Variants in HECTD4 observed in about 807,000 individuals in gnomAD.
HECTD4 encodes probable E3 ubiquitin-protein ligase HECTD4.
In HECTD4, 114 loss-of-function variants were observed where a neutral mutation model predicts 471.5. The ratio of observed to expected loss-of-function variants is 0.24; its 90% CI spans 0.21 to 0.28. The LOEUF is 0.28. HECTD4 is among the 10% of genes least tolerant of loss of function. HECTD4 has a pLI of 1.00. For missense variants in HECTD4, 3,866 were observed against 5,651.5 expected (o/e 0.68, Z 10.13); for synonymous variants, 2,012 against 2,256.0 (o/e 0.89, Z 3.07).
intron 1 of HECTD4, among the ~76,000 whole-genome samples, chr12:112,351,742 A>C (rs553462735): frequency 6.6e-6 from 1 of 152,370 alleles, no homozygotes; most frequent in East Asian, 1.9e-4. Context: ...TTTTTATGCT[A>C]CACTGACTGA....
At chr12:112,333,080 C>T (rs1036352088) in intron 1 of HECTD4, among the ~76,000 whole-genome samples, 2 of 152,160 alleles carry the variant, frequency 1.3e-5, no homozygotes, top group African/African-American at 4.8e-5. Context: ...TATAGCTAGA[C>T]CACATTTTAT....
intron 22 of HECTD4, 101 bp from the exon 23 acceptor site, chr12:112,252,629 G>A (rs1380201953): frequency 3.8e-6 from 5 of 1,308,274 alleles, no homozygotes; most frequent in Non-Finnish European, 5.3e-6. Flanking sequence ...AAGGACCACA[G>A]CAATATTTCA....
At chr12:112,266,353 T>C (rs545972237) in intron 14 of HECTD4, among the ~76,000 whole-genome samples, 38 of 152,374 alleles carry the variant, frequency 2.5e-4, no homozygotes, top group African/African-American at 9.1e-4. Flanking sequence ...ATTATTTTAT[T>C]TATTAAACAT....
chr12:112,167,367 G>C lies in HECTD4; in HGVS notation c.12484C>G (p.Leu4162Val). The C allele has an allele frequency of 6.2e-7, 1 of 1,613,818 alleles. No homozygotes were observed. Among genetic ancestry groups the C allele is most frequent in the Non-Finnish European group, 8.5e-7 (1 of 1,179,824 alleles). Reference protein sequence around the residue: ...VGEPLDPEQDLQEADILTYNY... With the variant: ...VGEPLDPEQDVQEADILTYNY... ...TAGGTGAGGATATCCGCTTCCTGCA[G>C]GTCTTGCTCAGGGTCCAAGGGCTCG... Residue 4162 changes from leucine to valine, a missense_variant, in exon 72 of 76, where the codon CTG becomes GTG. Around this residue, in one of 16 missense-constraint regions of HECTD4, gnomAD observed 715 missense variants for 1,087.6 expected, o/e 0.66. Transcript: ENST00000682272.
intron 40 of HECTD4, 55 bp from the exon 41 acceptor site, chr12:112,229,935 C>G: frequency 6.7e-7 from 1 of 1,498,570 alleles, no homozygotes; most frequent in South Asian, 1.2e-5. Flanking sequence ...TGTTTTGATG[C>G]CAAGGGTGAT....
At chr12:112,328,912 C>T (rs556870648) in intron 1 of HECTD4, among the ~76,000 whole-genome samples, 2 of 152,142 alleles carry the variant, frequency 1.3e-5, no homozygotes, top group African/African-American at 2.4e-5. Context: ...TTGGCTAAGC[C>T]CTGCAAAACT....
Position 112,239,355 on chromosome 12 carries a change from G to A in HECTD4, c.5106-119C>T. On this transcript the variant is annotated intron_variant, in intron 33 of 75. Transcript: ENST00000682272. This position sits in a 1 kb window ranked among gnomAD's most constrained non-coding sequence, Gnocchi z 4.9. ...GTGCAGCTCTTTCCCTACAACTTAGGATACTGCCATGTGCAATCAAACACA... is the reference window on the plus strand; with the variant it reads ...GTGCAGCTCTTTCCCTACAACTTAGAATACTGCCATGTGCAATCAAACACA... The A allele has an allele frequency of 3.9e-6, 3 of 765,034 alleles. No homozygotes were observed. Among genetic ancestry groups the A allele is most frequent in the Non-Finnish European group, 6.0e-6 (3 of 502,798 alleles). 47.4% of individuals were successfully genotyped at this position (765,034 alleles called of 1,614,324 possible). A position where few individuals can be genotyped will look rare whatever the true frequency, so the allele number is the denominator to read the frequency against.
chr12:112,181,619 C>T (rs1272247417), intron 62 of HECTD4, among the ~76,000 whole-genome samples: 3 of 152,172 alleles, frequency 2.0e-5, no homozygotes, highest in Admixed American at 2.0e-4. Flanking sequence ...TACGCCACCA[C>T]GCCCAGCTTA....
intron 1 of HECTD4, among the ~76,000 whole-genome samples, chr12:112,335,147 C>CACACACAG (rs1479838662): frequency 6.6e-6 from 1 of 151,698 alleles, no homozygotes; most frequent in Non-Finnish European, 1.5e-5. Context: ...CTGTGATACA[C>CACACACAG]ACACACACAC....
At position 112,314,441 on chromosome 12, in the gene HECTD4, C is replaced by T; in HGVS notation, c.785+16G>A. 7.1e-7 allele frequency: 1 copy of T among 1,399,122 alleles called. No individual in the cohort carries two copies. The highest frequency in any genetic ancestry group is 9.8e-7 in the Non-Finnish European group (1 of 1,022,950). 86.7% of individuals were successfully genotyped at this position (1,399,122 alleles called of 1,614,324 possible). On this transcript the variant is annotated intron_variant, in intron 3 of 75. Coordinates refer to ENST00000682272, the MANE Select transcript of HECTD4 (RefSeq NM_001388303.1). ...CTAGTTTGGAAGGAGGGTAAGGATA[C>T]AAAGTGACAACTTACCTATATAGCA...
At chr12:112,326,907 GA>G (rs2035757216) in intron 1 of HECTD4, among the ~76,000 whole-genome samples, 1 of 152,088 alleles carries the variant, frequency 6.6e-6, no homozygotes, top group African/African-American at 2.4e-5. Context: ...ATTTCTGAAA[GA>G]AATAGAAATT....
At chr12:112,338,943 A>G (rs575717803) in intron 1 of HECTD4, among the ~76,000 whole-genome samples, 1 of 152,286 alleles carries the variant, frequency 6.6e-6, no homozygotes, top group Admixed American at 6.5e-5. Context: ...AACACCTCCC[A>G]TCAGGCCCAA....
intron 2 of HECTD4, among the ~76,000 whole-genome samples, chr12:112,315,208 C>T (rs891408558): frequency 2.6e-5 from 4 of 152,136 alleles, no homozygotes; most frequent in African/African-American, 4.8e-5. Flanking sequence ...CTTACCTGGC[C>T]GCATCCCAAG....
intron 55 of HECTD4, among the ~76,000 whole-genome samples, chr12:112,195,469 C>T (rs1488819366): frequency 6.6e-6 from 1 of 152,122 alleles, no homozygotes; most frequent in Non-Finnish European, 1.5e-5. Flanking sequence ...TGGGAATAAA[C>T]CTTGAAACAT....
rs1432270104 is a variant in HECTD4 at position 112,252,411 on chromosome 12, T to C, written c.3552+13A>G. 6.3e-7 allele frequency: 1 copy of C among 1,581,468 alleles called. No homozygotes were observed. The highest frequency in any genetic ancestry group is 1.2e-5 in the South Asian group (1 of 84,910). On this transcript the variant is annotated intron_variant, in intron 23 of 75. Coordinates refer to ENST00000682272, the MANE Select transcript of HECTD4 (RefSeq NM_001388303.1). The stretch of plus-strand genomic sequence containing the variant: ...AGTACATTTTGTCCACGGCAGTGGT[T>C]AGATTCAAGTACCTGAGCGCGAACT...
intron 67 of HECTD4, 102 bp downstream of exon 67, chr12:112,172,569 T>G: frequency 8.4e-7 from 1 of 1,187,196 alleles, no homozygotes; most frequent in Non-Finnish European, 1.2e-6. Context: ...TAAGTGTTCG[T>G]TCGATGGACG....
chr12:112,321,702 G>A (rs1031534170), intron 1 of HECTD4: 1 of 152,070 alleles, frequency 6.6e-6, no homozygotes, highest in Non-Finnish European at 1.5e-5. Flanking sequence ...CCAAAACAAT[G>A]CAAACGCTGT....
At chr12:112,238,358 A>G (rs2033563664) in intron 34 of HECTD4, among the ~76,000 whole-genome samples, 1 of 152,016 alleles carries the variant, frequency 6.6e-6, no homozygotes, top group African/African-American at 2.4e-5. Flanking sequence ...GACTATAGGC[A>G]CGTGTCACTG....
chr12:112,187,035 A>G (rs1350258075), intron 60 of HECTD4, among the ~76,000 whole-genome samples: 4 of 150,332 alleles, frequency 2.7e-5, no homozygotes, highest in Non-Finnish European at 4.4e-5. Flanking sequence ...GCTGGAGTGC[A>G]ATGGCGTGAT....
Sources: gnomAD v4.1 joint callset for allele counts (sites outside exome capture counted in the v4.1 genomes callset) on GRCh38, gnomAD v4.1.1 for gene constraint, gnomAD v4.1.1 regional missense constraint, Gnocchi (gnomAD v3.1) non-coding constraint, MANE v1.5 for transcripts, NCBI Gene and HGNC (gene_info 2026-07-23, HGNC 2026-07-21) for gene names.